CDC42: variants seen among roughly 807,000 people sequenced by gnomAD.
The protein encoded by CDC42 is cell division cycle 42, also known as cell division control protein 42 homolog.
A neutral mutation model predicts 20.8 loss-of-function variants in CDC42; 1 was observed. The ratio of observed to expected loss-of-function variants is 0.05; its 90% CI spans 0.02 to 0.23. The LOEUF is 0.23. Ranked by LOEUF, CDC42 falls within the 10% of genes least tolerant of loss-of-function variation. The pLI is 1.00. For synonymous variants in CDC42, 72 were observed against 84.8 expected (o/e 0.85, Z 0.83); for missense variants, 49 against 227.9 (o/e 0.21, Z 5.05).
intron 3 of CDC42, among the ~76,000 whole-genome samples, chr1:22,083,309 A>T (rs1249896889): frequency 6.6e-6 from 1 of 152,102 alleles, no homozygotes; most frequent in Non-Finnish European, 1.5e-5. Flanking sequence ...AGTGCAATAA[A>T]AATCATTTTA....
Position 22,084,278 on chromosome 1 carries a change from A to G in CDC42, c.179-2161A>G, listed in dbSNP as rs373381127. Among the ~76,000 whole-genome samples, 51 of 142,598 alleles carry G rather than the reference A, an allele frequency of 3.6e-4. No individual in the cohort carries two copies. The South Asian group carries it at 0.011, about 31-fold the overall frequency. 93.5% of individuals were successfully genotyped at this position (142,598 alleles called of 152,430 possible). A position where few individuals can be genotyped will look rare whatever the true frequency, so the allele number is the denominator to read the frequency against. On this transcript the variant is annotated intron_variant, in intron 3 of 5. Coordinates refer to ENST00000656825, the MANE Select transcript of CDC42 (RefSeq NM_001791.4). ...AGTGGCTGTCCCATTTTATATTCCT[A>G]CCAACAGTACGTGGGGTTTGATATA... is the stretch of plus-strand genomic sequence containing the variant.
chr1:22,070,453 T>A (rs1168763476), intron 1 of CDC42, among the ~76,000 whole-genome samples: 1 of 12,246 alleles, frequency 8.2e-5, no homozygotes, highest in Non-Finnish European at 1.8e-4. Flanking sequence ...CTTTTTTTTT[T>A]TTTTTTTTTT....
In CDC42 at chr1:22,091,523, T is replaced by C. The variant is rs1157437129; in HGVS notation, c.*6T>C. The C allele has an allele frequency of 7.5e-6, 12 of 1,597,580 alleles. No homozygotes were observed. The highest frequency in any genetic ancestry group is 9.4e-6 in the Non-Finnish European group (11 of 1,165,920). On this transcript the variant is annotated 3_prime_UTR_variant, in exon 6 of 6. Transcript: ENST00000656825. ...GCAGGTGTGTGCTGCTATGAACATC[T>C]CTCCAGAGCCCTTTCTGCACAGCTG... is the stretch of plus-strand genomic sequence containing the variant.
In CDC42 at chr1:22,095,475, T is replaced by C. The variant is rs1184643967; in HGVS notation, c.*3958T>C. Among the ~76,000 whole-genome samples, 1 of 152,118 alleles carries C rather than the reference T, an allele frequency of 6.6e-6. No individual in the cohort carries two copies. Among genetic ancestry groups the C allele is most frequent in the Non-Finnish European group, 1.5e-5 (1 of 68,016 alleles). On this transcript the variant is annotated 3_prime_UTR_variant, in exon 6 of 6. Transcript: ENST00000656825. Reference sequence around the variant, plus strand: ...TAGTAGAGATAGGGTTTCACCATGTTAGCCAGGATGGTCTCGATCTCCTGA... The same window carrying C: ...TAGTAGAGATAGGGTTTCACCATGTCAGCCAGGATGGTCTCGATCTCCTGA...
At chr1:22,072,470 C>G (rs990338894) in intron 1 of CDC42, among the ~76,000 whole-genome samples, 1 of 152,076 alleles carries the variant, frequency 6.6e-6, no homozygotes, top group Non-Finnish European at 1.5e-5. Flanking sequence ...ATACATAGGG[C>G]ACGGTTGTGG....
intron 2 of CDC42, among the ~76,000 whole-genome samples, chr1:22,081,333 G>T (rs187524641): frequency 1.3e-5 from 2 of 152,290 alleles, no homozygotes; most frequent in Non-Finnish European, 2.9e-5. Context: ...TTTATTTCTA[G>T]ATGAAAAGGA....
chr1:22,095,519 T>C lies in CDC42; in HGVS notation c.*4002T>C, dbSNP rs1645750582. ...CTCCTGACCTCGTGATCCGCCCGCC[T>C]TGGCCTCCCAAAGTGCTAGGATTAC... On this transcript the variant is annotated 3_prime_UTR_variant, in exon 6 of 6. Coordinates refer to ENST00000656825, the MANE Select transcript of CDC42 (RefSeq NM_001791.4). Among the ~76,000 whole-genome samples the C allele has an allele frequency of 6.6e-6, 1 of 152,182 alleles. No individual in the cohort carries two copies. The highest frequency in any genetic ancestry group is 2.1e-4 in the South Asian group (1 of 4,834).
chr1:22,066,148 T>C (rs1422051503), intron 1 of CDC42, among the ~76,000 whole-genome samples: 1 of 152,182 alleles, frequency 6.6e-6, no homozygotes, highest in Non-Finnish European at 1.5e-5. Context: ...CAGTATTGTA[T>C]TGGCTGCATT....
intron 1 of CDC42, among the ~76,000 whole-genome samples, chr1:22,072,452 T>A (rs1645503128): frequency 6.6e-6 from 1 of 152,098 alleles, no homozygotes; most frequent in South Asian, 2.1e-4. Flanking sequence ...AACAGCCAAA[T>A]GGAAGAGATA....
chr1:22,070,571 C>T (rs908844957), intron 1 of CDC42, among the ~76,000 whole-genome samples: 8 of 148,688 alleles, frequency 5.4e-5, no homozygotes, highest in Non-Finnish European at 8.9e-5. Flanking sequence ...TCATGCCATT[C>T]TCCTGCCTCA....
At chr1:22,062,685 A>G (rs556180896) in intron 1 of CDC42, among the ~76,000 whole-genome samples, 1 of 137,334 alleles carries the variant, frequency 7.3e-6, no homozygotes, top group East Asian at 2.3e-4. Flanking sequence ...GCAGTTTGAG[A>G]CGAGCCTGGT....
intron 1 of CDC42, among the ~76,000 whole-genome samples, chr1:22,077,606 T>C (rs1645565372): frequency 6.6e-6 from 1 of 152,176 alleles, no homozygotes; most frequent in African/African-American, 2.4e-5. Context: ...TCCAATTTCA[T>C]AGAAGTCAAA....
rs529268524 is a variant in CDC42, at chr1:22,076,459, G to A, written c.-50-1970G>A. On this transcript the variant is annotated intron_variant, in intron 1 of 5. Coordinates refer to ENST00000656825, the MANE Select transcript of CDC42 (RefSeq NM_001791.4). Reference sequence around the variant, plus strand: ...CACACACACACACACACAACAAGCAGGGACTTGAGAGTCAGACTGCTTGGG... The same window carrying A: ...CACACACACACACACACAACAAGCAAGGACTTGAGAGTCAGACTGCTTGGG... Among the ~76,000 whole-genome samples the A allele has an allele frequency of 2.0e-5, 3 of 152,096 alleles. No homozygotes were observed. In the South Asian group the frequency reaches 6.2e-4, roughly 32 times the overall value.
chr1:22,078,732 A>G (rs1645577063), intron 2 of CDC42, 149 bp downstream of exon 2: 3 of 1,502,640 alleles, frequency 2.0e-6, no homozygotes, highest in African/African-American at 2.8e-5. Context: ...GGTAAATTAT[A>G]TACACTTTAA....
At chr1:22,065,857 C>T (rs1645417210) in intron 1 of CDC42, among the ~76,000 whole-genome samples, 1 of 152,102 alleles carries the variant, frequency 6.6e-6, no homozygotes, top group African/African-American at 2.4e-5. Flanking sequence ...CTCCCGGGTT[C>T]AAGCGATTCT....
In CDC42 at chr1:22,092,909, C is replaced by T. The variant is rs1557910111; in HGVS notation, c.*1392C>T. 2 of 152,524 alleles carry T rather than the reference C, an allele frequency of 1.3e-5. No individual in the cohort carries two copies. Among genetic ancestry groups the T allele is most frequent in the Non-Finnish European group, 2.9e-5 (2 of 68,020 alleles). 9.4% of individuals were successfully genotyped at this position (152,524 alleles called of 1,614,324 possible). On this transcript the variant is annotated 3_prime_UTR_variant, in exon 6 of 6. Transcript: ENST00000656825. ...TGTCTCAATTCTTTGTATATGCATT[C>T]TTTTCAGATGTATTAAACAAACAAA...
chr1:22,072,747 A>G lies in CDC42; in HGVS notation c.-50-5682A>G, dbSNP rs183721456. 2.0e-4 allele frequency among the ~76,000 whole-genome samples: 30 copies of G among 152,290 alleles called. No homozygotes were observed. The East Asian group carries it at 5.6e-3, about 28-fold the overall frequency. ...ACATAAATTCAGGTGTGAATTTGTT[A>G]TGAAAAACAAGAGACACTCAGCACT... On this transcript the variant is annotated intron_variant, in intron 1 of 5. Coordinates refer to ENST00000656825, the MANE Select transcript of CDC42 (RefSeq NM_001791.4).
At chr1:22,054,438 A>T (rs1340909960) in intron 1 of CDC42, among the ~76,000 whole-genome samples, 1 of 151,506 alleles carries the variant, frequency 6.6e-6, no homozygotes, top group Non-Finnish European at 1.5e-5. Flanking sequence ...CTGGTCTCGG[A>T]CTCCTGGGGT....
rs1010310272 is a variant in CDC42, at chr1:22,095,053, C to T, written c.*3536C>T. Reference sequence around the variant, plus strand: ...ACAAATTTAGAAATTTGTTATATAACTGTGGGGCAAGGGACAACATTTCAC... The same window carrying T: ...ACAAATTTAGAAATTTGTTATATAATTGTGGGGCAAGGGACAACATTTCAC... On this transcript the variant is annotated 3_prime_UTR_variant, in exon 6 of 6. Transcript: ENST00000656825. Among the ~76,000 whole-genome samples the T allele has an allele frequency of 3.9e-5, 6 of 152,124 alleles. No individual in the cohort carries two copies. The highest frequency in any genetic ancestry group is 7.3e-5 in the Non-Finnish European group (5 of 68,032).
Sources: allele counts gnomAD v4.1 joint callset (sites outside exome capture counted in the v4.1 genomes callset), GRCh38; gene constraint gnomAD v4.1.1; transcripts MANE v1.5; gene names NCBI Gene and HGNC (gene_info 2026-07-23, HGNC 2026-07-21).